Variants in MGAT4A observed in about 807,000 individuals in gnomAD.
MGAT4A encodes alpha-1,3-mannosyl-glycoprotein 4-beta-N-acetylglucosaminyltransferase A, also known as N-acetylglucosaminyltransferase IVa.
MGAT4A carries 33 observed loss-of-function variants against 74.1 expected under a neutral mutation model. The ratio of observed to expected loss-of-function variants is 0.45; its 90% CI spans 0.34 to 0.60. The LOEUF (loss-of-function observed/expected upper bound fraction) is 0.60, where lower values mean the gene tolerates loss of function less well. MGAT4A is among the 20% of genes least tolerant of loss of function. MGAT4A has a pLI of 0.02. For synonymous variants in MGAT4A, 198 were observed against 210.4 expected, an observed-to-expected ratio of 0.94 and a Z score of 0.51; for missense variants, 479 against 628.3, an observed-to-expected ratio of 0.76 and a Z score of 2.54.
intron 14 of MGAT4A, among the ~76,000 whole-genome samples, chr2:98,626,718 T>A (rs188593077): frequency 1.3e-5 from 2 of 152,210 alleles, no homozygotes; most frequent in Non-Finnish European, 2.9e-5. Context: ...AATATAGGTA[T>A]ACCAAGGAGA....
At chr2:98,650,833 C>G (rs1701565287) in intron 8 of MGAT4A, among the ~76,000 whole-genome samples, 1 of 152,004 alleles carries the variant, frequency 6.6e-6, no homozygotes, top group Non-Finnish European at 1.5e-5. Context: ...CACCTGTAAC[C>G]CTAGCTACTC....
intron 4 of MGAT4A, among the ~76,000 whole-genome samples, chr2:98,670,465 C>T (rs1460199539): frequency 2.0e-5 from 3 of 152,036 alleles, no homozygotes; most frequent in Non-Finnish European, 2.9e-5. Context: ...TCCACTTTCC[C>T]GGGAAGTTTT....
intron 4 of MGAT4A, among the ~76,000 whole-genome samples, chr2:98,667,203 C>T: frequency 6.6e-6 from 1 of 152,150 alleles, no homozygotes; most frequent in East Asian, 1.9e-4. Flanking sequence ...CCAATTAAAC[C>T]TCTTTCTTTT....
chr2:98,623,970 C>T lies in MGAT4A; in HGVS notation c.*1596G>A. 1.0e-6 allele frequency: 1 copy of T among 985,464 alleles called. No homozygotes were observed. The highest frequency in any genetic ancestry group is 1.2e-6 in the Non-Finnish European group (1 of 829,984). The allele number at this position is 985,464 out of a possible 1,614,324, so 61.0% of individuals were successfully genotyped here. On this transcript the variant is annotated 3_prime_UTR_variant, in exon 16 of 16. Transcript: ENST00000393487. ...CAACCTGCAACCCACTTGTGGCACC[C>T]CAGTGTGTCCAAGCAGACTGGCTGG...
At chr2:98,725,618 TA>T (rs5832857) in intron 2 of MGAT4A, among the ~76,000 whole-genome samples, 5,393 of 142,082 alleles carry the variant, frequency 0.038, 188 homozygotes, top group African/African-American at 0.095. Context: ...TAGTTTCTCT[TA>T]AAAAAAAAAA....
At chr2:98,725,578 T>A (rs1221996205) in intron 2 of MGAT4A, among the ~76,000 whole-genome samples, 2 of 148,556 alleles carry the variant, frequency 1.3e-5, no homozygotes, top group Non-Finnish European at 3.0e-5. Context: ...AGGAGACAAG[T>A]AAGAAGTATG....
rs1701024412 is a variant in MGAT4A, at chr2:98,620,044, T to C, written c.*5522A>G. 1.3e-5 allele frequency: 2 copies of C among 152,204 alleles called. No homozygotes were observed. The highest frequency in any genetic ancestry group is 1.3e-4 in the Admixed American group (2 of 15,282). The allele number at this position is 152,204 out of a possible 1,614,324, so 9.4% of individuals were successfully genotyped here. On this transcript the variant is annotated 3_prime_UTR_variant, in exon 16 of 16. Coordinates refer to ENST00000393487, the MANE Select transcript of MGAT4A (RefSeq NM_012214.3). ...GATGCACCCTGGAGTGCCAGCTTGC[T>C]CCTTCCTGTTTGTTCCTTTGAAAAT...
intron 2 of MGAT4A, among the ~76,000 whole-genome samples, chr2:98,721,526 T>C (rs546357157): frequency 6.6e-6 from 1 of 152,154 alleles, no homozygotes; most frequent in East Asian, 1.9e-4. Context: ...TAGGTGGAAA[T>C]AAAACTGTAA....
In MGAT4A at chr2:98,675,125, C is replaced by A. The variant is rs758416564; in HGVS notation, c.313G>T (p.Val105Leu). The A allele has an allele frequency of 6.2e-7, 1 of 1,612,070 alleles. No individual in the cohort carries two copies. The highest frequency in any genetic ancestry group is 8.5e-7 in the Non-Finnish European group (1 of 1,178,944). ...KELTSKKSLQ[V>L]PSIYYHLPHL... is the part of the protein sequence containing the mutation. ...GGCAAATGATAATAAATACTTGGCA[C>A]TTGAAGAGATTTTTTGCTTGTTAAC... The change falls in exon 4 of 16, where the codon GTG (valine) becomes TTG (leucine). Residue 105 changes from valine (V) to leucine (L), a missense_variant. By Grantham distance (32) the Val-to-Leu change is conservative (BLOSUM62 1). This residue lies in a region of MGAT4A where 205 missense variants were observed against 232.7 expected (regional missense o/e 0.88). Transcript: ENST00000393487.
intron 5 of MGAT4A, among the ~76,000 whole-genome samples, chr2:98,659,329 C>A (rs766590075): frequency 1.3e-5 from 2 of 152,114 alleles, no homozygotes; most frequent in Non-Finnish European, 2.9e-5. Flanking sequence ...TAATTATGAG[C>A]ATTATTTCTC....
chr2:98,701,917 T>C (rs978863866), intron 2 of MGAT4A, among the ~76,000 whole-genome samples: 3 of 152,194 alleles, frequency 2.0e-5, no homozygotes, highest in Non-Finnish European at 4.4e-5. Context: ...TAACCCTGGC[T>C]GCCAATCAGA....
chr2:98,663,358 AT>A, intron 4 of MGAT4A, 179 bp from the exon 5 acceptor site: 2 of 1,530,142 alleles, frequency 1.3e-6, no homozygotes, highest in South Asian at 2.5e-5. Flanking sequence ...ACTGTAATTC[AT>A]TTTCACATGG....
chr2:98,621,926 A>G lies in MGAT4A; in HGVS notation c.*3640T>C. 1.0e-6 allele frequency: 1 copy of G among 996,968 alleles called. No homozygotes were observed. Among genetic ancestry groups the G allele is most frequent in the South Asian group, 4.4e-5 (1 of 22,598 alleles). The allele number at this position is 996,968 out of a possible 1,614,324, so 61.8% of individuals were successfully genotyped here. On this transcript the variant is annotated 3_prime_UTR_variant, in exon 16 of 16. Transcript: ENST00000393487. ...GTTCAAGGGTATTCAACCATCTCCA[A>G]TTGTTGAACAAATACACACATACGT...
chr2:98,660,262 T>C (rs575389546), intron 5 of MGAT4A, among the ~76,000 whole-genome samples: 3 of 55,376 alleles, frequency 5.4e-5, no homozygotes, highest in South Asian at 1.5e-3. Flanking sequence ...TGCTCATGGA[T>C]TGGAAGAATT....
chr2:98,643,521 T>C (rs1452262762), intron 10 of MGAT4A, among the ~76,000 whole-genome samples: 1 of 152,236 alleles, frequency 6.6e-6, no homozygotes, highest in East Asian at 1.9e-4. Flanking sequence ...TTCTATTTTA[T>C]TCCTCATTTA....
chr2:98,652,556 C>G (rs978487005), intron 8 of MGAT4A, among the ~76,000 whole-genome samples: 6 of 152,196 alleles, frequency 3.9e-5, no homozygotes, highest in Non-Finnish European at 8.8e-5. Flanking sequence ...TGGTCTCGAT[C>G]TCCTGACCTT....
chr2:98,691,392 C>T (rs1057376087), intron 2 of MGAT4A, among the ~76,000 whole-genome samples: 3 of 151,796 alleles, frequency 2.0e-5, no homozygotes, highest in African/African-American at 4.8e-5. Context: ...GTGAGCCATG[C>T]TCACACCACT....
chr2:98,675,171 A>G lies in MGAT4A; in HGVS notation c.267T>C (p.Asn89=), dbSNP rs189717082. 2 of 1,587,172 alleles carry G rather than the reference A, an allele frequency of 1.3e-6. No individual in the cohort carries two copies. Among genetic ancestry groups the G allele is most frequent in the East Asian group, 2.2e-5 (1 of 44,550 alleles). ...TTAACTCCTTTAACAGCTTTAGGGT[A>G]TTATCTGAAACACAGAAGTATAATT... The part of the protein sequence containing the change: ...SKDALNKFSD[N]TLKLLKELTS... Residue 89 remains asparagine, a synonymous_variant, in exon 4 of 16, where the codon AAT becomes AAC. Coordinates refer to ENST00000393487, the MANE Select transcript of MGAT4A (RefSeq NM_012214.3).
At chr2:98,629,978 G>A (rs781251030) in intron 14 of MGAT4A, among the ~76,000 whole-genome samples, 14 of 152,256 alleles carry the variant, frequency 9.2e-5, no homozygotes, top group South Asian at 4.1e-4. Context: ...CCCAGGAGGC[G>A]GAGGATGCAG....
Sources: allele counts gnomAD v4.1 joint callset (sites outside exome capture counted in the v4.1 genomes callset), GRCh38; gene constraint gnomAD v4.1.1; regional missense constraint gnomAD v4.1.1; transcripts MANE v1.5; gene names NCBI Gene and HGNC (gene_info 2026-07-23, HGNC 2026-07-21).